ENOPH1: variants seen among roughly 807,000 people sequenced by gnomAD.
ENOPH1 encodes enolase-phosphatase 1, also known as enolase-phosphatase E1.
In ENOPH1, 14 loss-of-function variants were observed where a neutral mutation model predicts 31.1. That is an observed-to-expected ratio of 0.45 (90% confidence interval 0.30 to 0.70). ENOPH1 has a LOEUF of 0.70. Ranked by LOEUF, ENOPH1 falls within the 30% of genes least tolerant of loss-of-function variation. ENOPH1 has a pLI of 0.09. For missense variants in ENOPH1, 243 were observed against 321.5 expected, an observed-to-expected ratio of 0.76 and a Z score of 1.87; for synonymous variants, 127 against 123.2, an observed-to-expected ratio of 1.03 and a Z score of -0.21.
chr4:82,434,905 TAA>T (rs778921272), intron 1 of ENOPH1, among the ~76,000 whole-genome samples: 5 of 143,012 alleles, frequency 3.5e-5, no homozygotes, highest in Admixed American at 7.0e-5. Flanking sequence ...AGACTGTCTT[TAA>T]AAAAAAAAAA....
chr4:82,448,829 C>T (rs952865628), intron 2 of ENOPH1, among the ~76,000 whole-genome samples: 1 of 150,986 alleles, frequency 6.6e-6, no homozygotes. Context: ...GAGGCCGAGG[C>T]GGGCGGATCA....
chr4:82,451,189 AC>A lies in ENOPH1; in HGVS notation c.334del (p.Gln112SerfsTer16). 6.2e-7 allele frequency: 1 copy of A among 1,614,210 alleles called. No homozygotes were observed. Among genetic ancestry groups the A allele is most frequent in the Non-Finnish European group, 8.5e-7 (1 of 1,180,024 alleles). On this transcript the variant is annotated frameshift_variant, in exon 3 of 6. Coordinates refer to ENST00000273920, the MANE Select transcript of ENOPH1 (RefSeq NM_021204.5). LOFTEE classifies it high-confidence loss of function. ...SLDRKTTALKQLQGHMWRAAF... is the reference protein window; with the variant it reads ...SLDRKTTALKXLQGHMWRAAF... Reference sequence around the variant, plus strand: ...TGGATCGAAAGACCACTGCACTCAAACAGCTGCAGGGCCACATGTGGAGGGC... The same window carrying A: ...TGGATCGAAAGACCACTGCACTCAAAAGCTGCAGGGCCACATGTGGAGGGC...
intron 2 of ENOPH1, 122 bp from the exon 3 acceptor site, chr4:82,450,921 A>G: frequency 1.4e-6 from 1 of 693,038 alleles, no homozygotes. Context: ...TGATGTTTCA[A>G]TTTGCAGCCA....
At chr4:82,455,899 T>A (rs983984201) in intron 4 of ENOPH1, among the ~76,000 whole-genome samples, 11 of 152,196 alleles carry the variant, frequency 7.2e-5, no homozygotes, top group Admixed American at 7.2e-4. Flanking sequence ...TTAAAATAAA[T>A]ATGTATTGAG....
At chr4:82,444,135 A>G (rs1400963687) in intron 1 of ENOPH1, among the ~76,000 whole-genome samples, 1 of 152,248 alleles carries the variant, frequency 6.6e-6, no homozygotes, top group East Asian at 1.9e-4. Context: ...TCGGCCTCCC[A>G]AAGTGCTGGG....
intron 3 of ENOPH1, among the ~76,000 whole-genome samples, chr4:82,451,970 G>C (rs991861942): frequency 1.3e-5 from 2 of 151,968 alleles, no homozygotes; most frequent in Non-Finnish European, 2.9e-5. Context: ...TAGTACAGAT[G>C]GGGTTCTACC....
intron 1 of ENOPH1, among the ~76,000 whole-genome samples, chr4:82,447,151 A>G (rs1722216157): frequency 6.6e-6 from 1 of 151,576 alleles, no homozygotes; most frequent in South Asian, 2.1e-4. Flanking sequence ...ACACCTGGCT[A>G]ATTTTTGTAT....
intron 4 of ENOPH1, among the ~76,000 whole-genome samples, chr4:82,455,568 C>G (rs1722465917): frequency 6.6e-6 from 1 of 151,884 alleles, no homozygotes; most frequent in Admixed American, 6.6e-5. Flanking sequence ...ATCACGAGGT[C>G]AGGAGATCGA....
chr4:82,430,806 A>T lies in ENOPH1; in HGVS notation c.-24A>T. 6.2e-7 allele frequency: 1 copy of T among 1,612,116 alleles called. No individual in the cohort carries two copies. The highest frequency in any genetic ancestry group is 8.5e-7 in the Non-Finnish European group (1 of 1,178,308). On this transcript the variant is annotated 5_prime_UTR_variant, in exon 1 of 6. Transcript: ENST00000273920. ...CTCCGCCCTCCCCAACAGCAGGCCG[A>T]GTCCCGTAGCATCCGGTAGGGAAAT...
chr4:82,436,896 C>T (rs531157866), intron 1 of ENOPH1, among the ~76,000 whole-genome samples: 4 of 152,078 alleles, frequency 2.6e-5, no homozygotes, highest in Admixed American at 6.6e-5. Flanking sequence ...AATATGTCAT[C>T]GTCGTCATCA....
At chr4:82,451,362 C>T (rs1722346457) in intron 3 of ENOPH1, 117 bp downstream of exon 3, 2 of 985,770 alleles carry the variant, frequency 2.0e-6, no homozygotes, top group Non-Finnish European at 1.5e-6. Flanking sequence ...AAAATCCACA[C>T]TCTTTTTAGT....
intron 1 of ENOPH1, among the ~76,000 whole-genome samples, chr4:82,432,919 G>T (rs963223470): frequency 9.2e-4 from 140 of 152,300 alleles, no homozygotes; most frequent in African/African-American, 3.2e-3. Context: ...CTTCCCCCAC[G>T]TTTTTAATCA....
intron 1 of ENOPH1, 95 bp downstream of exon 1, chr4:82,431,008 A>AG (rs1721735345): frequency 2.7e-6 from 3 of 1,107,710 alleles, no homozygotes; most frequent in African/African-American, 3.9e-5. Flanking sequence ...GACGAGGGTT[A>AG]GGAGAGGCGG....
chr4:82,451,765 CTT>C (rs944050132), intron 3 of ENOPH1, among the ~76,000 whole-genome samples: 1 of 152,108 alleles, frequency 6.6e-6, no homozygotes, highest in Non-Finnish European at 1.5e-5. Context: ...CCTGAGGAGA[CTT>C]TTGAGTATTA....
chr4:82,459,132 C>T (rs1468816875), intron 5 of ENOPH1, among the ~76,000 whole-genome samples: 2 of 152,032 alleles, frequency 1.3e-5, no homozygotes, highest in African/African-American at 4.8e-5. Flanking sequence ...TCTATCTGTC[C>T]TAGTAAGCGC....
At chr4:82,438,358 T>G (rs1721960663) in intron 1 of ENOPH1, among the ~76,000 whole-genome samples, 1 of 152,102 alleles carries the variant, frequency 6.6e-6, no homozygotes, top group Admixed American at 6.5e-5. Context: ...TAGTCAGACT[T>G]ATTGAGTAAA....
intron 3 of ENOPH1, among the ~76,000 whole-genome samples, chr4:82,452,492 A>G (rs1022585823): frequency 1.2e-4 from 19 of 152,026 alleles, no homozygotes; most frequent in African/African-American, 4.3e-4. Flanking sequence ...GGGTTTCACC[A>G]TATTGGCCAG....
chr4:82,441,054 G>C (rs932895638), intron 1 of ENOPH1, among the ~76,000 whole-genome samples: 2 of 152,174 alleles, frequency 1.3e-5, no homozygotes, highest in African/African-American at 4.8e-5. Flanking sequence ...CACAACTGCT[G>C]AAACTATCTG....
chr4:82,457,015 T>A lies in ENOPH1; in HGVS notation c.623T>A (p.Leu208Ter), dbSNP rs201432873. 17 of 1,614,074 alleles carry A rather than the reference T, an allele frequency of 1.1e-5. No individual in the cohort carries two copies. Among genetic ancestry groups the A allele is most frequent in the Non-Finnish European group, 2.5e-6 (3 of 1,179,982 alleles). ...DSIGCSTNNI[L>*]FLTDVTREAS... ...ATTGGGTGCTCAACCAACAACATTT[T>A]GTTTCTGACAGATGTTACTCGAGGT... The change falls in exon 5 of 6, where the codon TTG becomes TAG. Residue 208 changes from leucine to a stop codon, truncating the protein, a stop_gained. Coordinates refer to ENST00000273920, the MANE Select transcript of ENOPH1 (RefSeq NM_021204.5). LOFTEE classifies it high-confidence loss of function.
Sources: allele counts gnomAD v4.1 joint callset (sites outside exome capture counted in the v4.1 genomes callset), GRCh38; gene constraint gnomAD v4.1.1; transcripts MANE v1.5; gene names NCBI Gene and HGNC (gene_info 2026-07-23, HGNC 2026-07-21).